Variants in CRB1 observed in about 807,000 individuals in gnomAD.
CRB1 encodes protein crumbs homolog 1.
CRB1 carries 83 observed loss-of-function variants against 120.0 expected under a neutral mutation model. That is an observed-to-expected ratio of 0.69 (90% CI 0.58 to 0.83). The LOEUF is 0.83. Ranked by LOEUF, CRB1 falls within the 40% of genes least tolerant of loss-of-function variation. CRB1 has a pLI of 0.00. For missense variants in CRB1, 1,699 were observed against 1,687.6 expected (o/e 1.01, Z -0.12); for synonymous variants, 625 against 612.5 (o/e 1.02, Z -0.30).
chr1:197,374,391 T>C (rs1661534835), intron 5 of CRB1, among the ~76,000 whole-genome samples: 1 of 152,110 alleles, frequency 6.6e-6, no homozygotes. Context: ...TTCCTATCCA[T>C]GTATATCCTG....
At chr1:197,475,203 C>T (rs527269450) in intron 11 of CRB1, among the ~76,000 whole-genome samples, 54 of 152,224 alleles carry the variant, frequency 3.5e-4, no homozygotes, top group Non-Finnish European at 6.5e-4. Flanking sequence ...TCTAATAGTA[C>T]TATATTCTTG....
At chr1:197,381,077 A>G (rs1302660893) in intron 5 of CRB1, among the ~76,000 whole-genome samples, 2 of 152,198 alleles carry the variant, frequency 1.3e-5, no homozygotes, top group Non-Finnish European at 2.9e-5. Flanking sequence ...GATCCTGAAC[A>G]ATCATTAATT....
rs1659656136 is a variant in CRB1 at position 197,344,480 on chromosome 1, C to G, written c.848+4C>G. ...TGTGTGTGGATGGAGAAAACAGGTA[C>G]ATTTTCTCTGGCGTTGGGTGATTGG... On this transcript the variant is annotated splice_donor_region_variant and intron_variant, in intron 3 of 11. Coordinates refer to ENST00000367400, the MANE Select transcript of CRB1 (RefSeq NM_201253.3). 1 of 1,613,020 alleles carries G rather than the reference C, an allele frequency of 6.2e-7. No homozygotes were observed. Among genetic ancestry groups the G allele is most frequent in the Non-Finnish European group, 8.5e-7 (1 of 1,179,032 alleles).
chr1:197,229,635 T>C, the CRB1 span, among the ~76,000 whole-genome samples: 25 of 152,220 alleles, frequency 1.6e-4, no homozygotes, highest in Non-Finnish European at 3.2e-4. Flanking sequence ...TGGTTCCCAG[T>C]GTCTGTTGTT....
At chr1:197,415,470 T>C (rs1663931938) in intron 5 of CRB1, among the ~76,000 whole-genome samples, 1 of 152,214 alleles carries the variant, frequency 6.6e-6, no homozygotes, top group Non-Finnish European at 1.5e-5. Flanking sequence ...ATTTAACCTT[T>C]GTGTGTTTAT....
At chr1:197,325,918 T>G (rs1658468017) in intron 1 of CRB1, among the ~76,000 whole-genome samples, 1 of 152,178 alleles carries the variant, frequency 6.6e-6, no homozygotes, top group Non-Finnish European at 1.5e-5. Flanking sequence ...AAGGATACAT[T>G]TAATTCTTGA....
chr1:197,259,850 A>C, the CRB1 span, among the ~76,000 whole-genome samples: 2 of 151,998 alleles, frequency 1.3e-5, no homozygotes, highest in Non-Finnish European at 2.9e-5. Flanking sequence ...GAAGGCAAAA[A>C]CTTAAAACAA....
At chr1:197,355,366 G>A (rs1660407489) in intron 4 of CRB1, among the ~76,000 whole-genome samples, 1 of 152,224 alleles carries the variant, frequency 6.6e-6, no homozygotes, top group South Asian at 2.1e-4. Flanking sequence ...CGCAGGTGGA[G>A]CTGCCCGCCA....
intron 5 of CRB1, among the ~76,000 whole-genome samples, chr1:197,358,838 A>C (rs1299285537): frequency 6.6e-6 from 1 of 151,622 alleles, no homozygotes; most frequent in South Asian, 2.1e-4. Context: ...AATTGCAGAA[A>C]AGACGAGAAA....
intron 5 of CRB1, among the ~76,000 whole-genome samples, chr1:197,402,550 T>C (rs1435770752): frequency 1.3e-5 from 2 of 152,198 alleles, no homozygotes; most frequent in Non-Finnish European, 2.9e-5. Flanking sequence ...TCCTGTCTTA[T>C]TCAACAAGAA....
chr1:197,428,832 G>A (rs1664727875), intron 7 of CRB1: 2 of 778,756 alleles, frequency 2.6e-6, no homozygotes. Context: ...TATGTAACTA[G>A]CCTAAATCAT....
intron 5 of CRB1, among the ~76,000 whole-genome samples, chr1:197,364,911 G>A (rs1283753595): frequency 1.3e-5 from 2 of 151,998 alleles, no homozygotes; most frequent in Non-Finnish European, 2.9e-5. Flanking sequence ...TCTCATTCAA[G>A]TTATGGTTTT....
At chr1:197,362,577 T>A (rs986958110) in intron 5 of CRB1, among the ~76,000 whole-genome samples, 6 of 152,108 alleles carry the variant, frequency 3.9e-5, no homozygotes, top group African/African-American at 1.2e-4. Context: ...ACATTTAGGG[T>A]CATTATGTCT....
At chr1:197,347,253 G>T (rs1309160279) in intron 3 of CRB1, 87 bp from the exon 4 acceptor site, 5 of 1,228,098 alleles carry the variant, frequency 4.1e-6, no homozygotes, top group African/African-American at 3.0e-5. Context: ...ATGGGTCTTG[G>T]GTTGATAGAC....
chr1:197,358,505 CTA>C (rs1446064892), intron 5 of CRB1, among the ~76,000 whole-genome samples: 1 of 152,160 alleles, frequency 6.6e-6, no homozygotes, highest in Admixed American at 6.5e-5. Flanking sequence ...CCAGGAATGA[CTA>C]TATGAGTTAA....
intron 1 of CRB1, among the ~76,000 whole-genome samples, chr1:197,277,671 G>T (rs1252531349): frequency 6.6e-6 from 1 of 151,930 alleles, no homozygotes; most frequent in Non-Finnish European, 1.5e-5. Flanking sequence ...TATAGCTGAA[G>T]AATAAATATT....
At chr1:197,429,960 A>C (rs1053584310) in intron 8 of CRB1, among the ~76,000 whole-genome samples, 1 of 152,226 alleles carries the variant, frequency 6.6e-6, no homozygotes, top group Non-Finnish European at 1.5e-5. Flanking sequence ...TTTATTAACT[A>C]TGAGGCCTCA....
chr1:197,453,804 A>G (rs571937693), intron 11 of CRB1, among the ~76,000 whole-genome samples: 1,569 of 143,004 alleles, frequency 0.011, 36 homozygotes, highest in African/African-American at 0.038. Context: ...TATATTAATA[A>G]TAATATATTG....
chr1:197,229,056 A>G, the CRB1 span, among the ~76,000 whole-genome samples: 1 of 152,150 alleles, frequency 6.6e-6, no homozygotes. Context: ...ACAATTCAAG[A>G]TGAGATTTGG....
Sources: gnomAD v4.1 joint callset for allele counts (sites outside exome capture counted in the v4.1 genomes callset) on GRCh38, gnomAD v4.1.1 for gene constraint, MANE v1.5 for transcripts, NCBI Gene and HGNC (gene_info 2026-07-23, HGNC 2026-07-21) for gene names.